Variants in ST8SIA4 observed in about 807,000 individuals in gnomAD.
ST8SIA4 encodes ST8 alpha-N-acetyl-neuraminide alpha-2,8-sialyltransferase 4.
In ST8SIA4, 15 loss-of-function variants were observed where a neutral mutation model predicts 33.9. The observed-to-expected ratio is 0.44, with a 90% CI of 0.30 to 0.68. ST8SIA4 has a LOEUF of 0.68. Among genes scored for constraint, ST8SIA4 ranks in the 30% least tolerant of loss-of-function variants. The pLI is 0.10. For synonymous variants in ST8SIA4, 171 were observed against 151.2 expected, an observed-to-expected ratio of 1.13 and a Z score of -0.96; for missense variants, 321 against 428.0, an observed-to-expected ratio of 0.75 and a Z score of 2.21.
chr5:100,902,268 C>A (rs1406587591), intron 1 of ST8SIA4, among the ~76,000 whole-genome samples: 1 of 152,100 alleles, frequency 6.6e-6, no homozygotes, highest in Non-Finnish European at 1.5e-5. Flanking sequence ...ACCATGACGC[C>A]CATGCGTTTT....
intron 3 of ST8SIA4, among the ~76,000 whole-genome samples, chr5:100,864,505 T>C (rs531858543): frequency 4.9e-5 from 7 of 142,656 alleles, no homozygotes; most frequent in Non-Finnish European, 7.5e-5. Context: ...AACCTGGGAG[T>C]TGGAGCTTGC....
chr5:100,838,036 C>T (rs760172527), intron 4 of ST8SIA4, among the ~76,000 whole-genome samples: 147 of 151,852 alleles, frequency 9.7e-4, no homozygotes, highest in Non-Finnish European at 1.8e-3. Context: ...AATAGTAAAA[C>T]AAATGGTTAG....
intron 4 of ST8SIA4, among the ~76,000 whole-genome samples, chr5:100,815,523 T>A (rs1750899620): frequency 6.6e-6 from 1 of 151,924 alleles, no homozygotes; most frequent in South Asian, 2.1e-4. Context: ...CACTCTGGAC[T>A]TTATGTGTTA....
At chr5:100,886,177 T>C in intron 3 of ST8SIA4, 166 bp downstream of exon 3, 8 of 1,418,096 alleles carry the variant, frequency 5.6e-6, no homozygotes, top group Non-Finnish European at 6.4e-6. Context: ...AATTATAATA[T>C]TCTATTCCAG....
intron 3 of ST8SIA4, among the ~76,000 whole-genome samples, chr5:100,884,602 C>G (rs530933914): frequency 6.6e-6 from 1 of 152,122 alleles, no homozygotes; most frequent in Non-Finnish European, 1.5e-5. Context: ...AGGTTGGCCA[C>G]CAGCCACTCT....
At chr5:100,846,222 G>A (rs1419739961) in intron 4 of ST8SIA4, among the ~76,000 whole-genome samples, 4 of 151,560 alleles carry the variant, frequency 2.6e-5, no homozygotes, top group African/African-American at 9.7e-5. Context: ...TACCCAGATC[G>A]ATGAAAAAAA....
chr5:100,867,828 A>G (rs150049420), intron 3 of ST8SIA4, among the ~76,000 whole-genome samples: 163 of 152,166 alleles, frequency 1.1e-3, no homozygotes, highest in African/African-American at 3.8e-3. Flanking sequence ...CAAAAGATGT[A>G]GGCATTCTAA....
intron 4 of ST8SIA4, among the ~76,000 whole-genome samples, chr5:100,830,472 T>C (rs1751233816): frequency 6.6e-6 from 1 of 152,254 alleles, no homozygotes; most frequent in Admixed American, 6.5e-5. Flanking sequence ...AGTAGTTTCC[T>C]ATCTGGATTT....
At chr5:100,857,417 T>C (rs1488801671) in intron 3 of ST8SIA4, among the ~76,000 whole-genome samples, 2 of 151,924 alleles carry the variant, frequency 1.3e-5, no homozygotes, top group African/African-American at 2.4e-5. Flanking sequence ...AACTTGCTTT[T>C]AAAAAGGTAG....
rs1206391471 is a variant in ST8SIA4, at chr5:100,807,867, A to G, written c.*3980T>C. 6.6e-6 allele frequency: 1 copy of G among 152,548 alleles called. No individual in the cohort carries two copies. The highest frequency in any genetic ancestry group is 1.5e-5 in the Non-Finnish European group (1 of 67,954). 9.4% of individuals were successfully genotyped at this position (152,548 alleles called of 1,614,324 possible). On this transcript the variant is annotated 3_prime_UTR_variant, in exon 5 of 5. Coordinates refer to ENST00000231461, the MANE Select transcript of ST8SIA4 (RefSeq NM_005668.6). The stretch of plus-strand genomic sequence containing the variant: ...TCACACATGTCTATTTGTACTATAT[A>G]GGTATATCTATAGCACATATATAAT...
At chr5:100,859,972 CAAT>C (rs1016423147) in intron 3 of ST8SIA4, among the ~76,000 whole-genome samples, 2 of 152,086 alleles carry the variant, frequency 1.3e-5, no homozygotes, top group Non-Finnish European at 2.9e-5. Flanking sequence ...TGTTATTTAA[CAAT>C]GACATAATCT....
Position 100,890,403 on chromosome 5 carries a change from C to CA in ST8SIA4, c.246-3804dup, listed in dbSNP as rs533832839. ...AACAACAACATGTCACCAAGGAGAA[C>CA]ATATATGCTTTTGCTAAGAAGACAA... On this transcript the variant is annotated intron_variant, in intron 2 of 4. Transcript: ENST00000231461. Among the ~76,000 whole-genome samples the CA allele has an allele frequency of 3.7e-3, 557 of 151,934 alleles. 1 individual carries two copies. The highest frequency in any genetic ancestry group is 5.9e-3 in the Non-Finnish European group (399 of 67,808).
intron 1 of ST8SIA4, among the ~76,000 whole-genome samples, chr5:100,901,233 C>T (rs1237234550): frequency 6.6e-6 from 1 of 152,146 alleles, no homozygotes; most frequent in African/African-American, 2.4e-5. Context: ...ATCTGGCGAC[C>T]CTCTTCTCAC....
chr5:100,864,570 G>A (rs1284852767), intron 3 of ST8SIA4, among the ~76,000 whole-genome samples: 3 of 100,506 alleles, frequency 3.0e-5, no homozygotes, highest in Non-Finnish European at 5.6e-5. Context: ...GCAAGACTCC[G>A]GCTCAAAAAA....
Position 100,895,637 on chromosome 5 carries a change from T to G in ST8SIA4, c.245+17A>C. The G allele has an allele frequency of 6.2e-7, 1 of 1,601,616 alleles. No homozygotes were observed. The highest frequency in any genetic ancestry group is 8.5e-7 in the Non-Finnish European group (1 of 1,174,106). ...AACATGATGTGAAATTTATTATGCC[T>G]TAGTAAAGAAACTCACCTTATCTCT... On this transcript the variant is annotated intron_variant, in intron 2 of 4. Coordinates refer to ENST00000231461, the MANE Select transcript of ST8SIA4 (RefSeq NM_005668.6).
chr5:100,892,542 C>T (rs1752695260), intron 2 of ST8SIA4, among the ~76,000 whole-genome samples: 1 of 151,708 alleles, frequency 6.6e-6, no homozygotes, highest in South Asian at 2.1e-4. Context: ...TAAAATAAGG[C>T]ATATGGGAAC....
intron 4 of ST8SIA4, among the ~76,000 whole-genome samples, chr5:100,834,188 G>T (rs1325398432): frequency 6.6e-6 from 1 of 151,980 alleles, no homozygotes; most frequent in Non-Finnish European, 1.5e-5. Context: ...ATTTTTAATA[G>T]AATTAGACAG....
chr5:100,857,380 AT>A (rs569960309), intron 3 of ST8SIA4, among the ~76,000 whole-genome samples: 103 of 148,546 alleles, frequency 6.9e-4, no homozygotes, highest in African/African-American at 1.4e-3. Context: ...AAATAGCTTC[AT>A]TTTTTTTTTT....
chr5:100,856,390 A>G lies in ST8SIA4; in HGVS notation c.510T>C (p.Asn170=). The change falls in exon 4 of 5, where the codon AAT becomes AAC. Residue 170 remains asparagine (N), a synonymous_variant. Transcript: ENST00000231461. ...CAGCAAACTCCACCACAGGAGCTAG[A>G]TTACACCTGAAGAGGAAAAAATTAA... ...IDSHNFVIRC[N]LAPVVEFAAD... 6.2e-7 allele frequency: 1 copy of G among 1,611,832 alleles called. No homozygotes were observed. Among genetic ancestry groups the G allele is most frequent in the Middle Eastern group, 1.7e-4 (1 of 6,056 alleles).
Sources: allele counts gnomAD v4.1 joint callset (sites outside exome capture counted in the v4.1 genomes callset), GRCh38; gene constraint gnomAD v4.1.1; transcripts MANE v1.5; gene names NCBI Gene and HGNC (gene_info 2026-07-23, HGNC 2026-07-21).